Variants in CSMD3 observed in about 807,000 individuals in gnomAD.
CSMD3 encodes the protein CUB and sushi domain-containing protein 3.
A neutral mutation model predicts 435.2 loss-of-function variants in CSMD3; 177 were observed. The ratio of observed to expected loss-of-function variants is 0.41; its 90% confidence interval spans 0.36 to 0.46. The LOEUF is 0.46. Ranked by LOEUF, CSMD3 falls within the 20% of genes least tolerant of loss-of-function variation. CSMD3 has a pLI of 0.34. For missense variants in CSMD3, 4,265 were observed against 4,504.6 expected (o/e 0.95, Z 1.52); for synonymous variants, 1,656 against 1,520.5 (o/e 1.09, Z -2.07).
intron 6 of CSMD3, among the ~76,000 whole-genome samples, chr8:112,981,949 T>G (rs1431897107): frequency 6.6e-6 from 1 of 151,750 alleles, no homozygotes; most frequent in Admixed American, 6.6e-5. Flanking sequence ...AGAAGGAGAA[T>G]GGATAGACAT....
chr8:112,302,050 C>T, intron 52 of CSMD3, 84 bp from the exon 53 acceptor site: 1 of 943,402 alleles, frequency 1.1e-6, no homozygotes, highest in Non-Finnish European at 1.7e-6. Context: ...ACATTTTGAG[C>T]TTCCTATGAT....
intron 24 of CSMD3, among the ~76,000 whole-genome samples, chr8:112,570,227 A>T (rs976360741): frequency 6.6e-6 from 1 of 152,338 alleles, no homozygotes; most frequent in East Asian, 1.9e-4. Flanking sequence ...TATAAAATTC[A>T]TATTCAGATG....
intron 7 of CSMD3, among the ~76,000 whole-genome samples, chr8:112,962,159 C>CT (rs985517435): frequency 2.0e-5 from 3 of 150,132 alleles, no homozygotes; most frequent in African/African-American, 7.3e-5. Context: ...TTTCTTGGGA[C>CT]TTTTTTTTTC....
chr8:112,920,076 G>C (rs1235087979), intron 10 of CSMD3, among the ~76,000 whole-genome samples: 1 of 151,842 alleles, frequency 6.6e-6, no homozygotes, highest in African/African-American at 2.4e-5. Flanking sequence ...CAGCAAACAA[G>C]CCATCAGAAA....
intron 29 of CSMD3, among the ~76,000 whole-genome samples, chr8:112,505,881 A>G (rs1822449920): frequency 6.6e-6 from 1 of 152,130 alleles, no homozygotes; most frequent in South Asian, 2.1e-4. Flanking sequence ...TGATAGAGCT[A>G]GAAATCAAAT....
intron 37 of CSMD3, among the ~76,000 whole-genome samples, chr8:112,382,748 G>T (rs1465716633): frequency 6.6e-6 from 1 of 152,150 alleles, no homozygotes; most frequent in Non-Finnish European, 1.5e-5. Flanking sequence ...TCAGCACTTT[G>T]GGAGGCCAAG....
At chr8:112,535,172 G>T (rs1254536884) in intron 27 of CSMD3, among the ~76,000 whole-genome samples, 1 of 151,620 alleles carries the variant, frequency 6.6e-6, no homozygotes, top group African/African-American at 2.4e-5. Flanking sequence ...TCTGGCCAGG[G>T]CAATTAGGCA....
intron 22 of CSMD3, among the ~76,000 whole-genome samples, chr8:112,597,727 A>T (rs1051976782): frequency 6.2e-4 from 85 of 136,842 alleles, no homozygotes; most frequent in South Asian, 1.0e-3. Context: ...GCAAATCAAT[A>T]AGTGTAATCC....
chr8:112,663,143 C>T (rs910723555), intron 17 of CSMD3, among the ~76,000 whole-genome samples: 13 of 152,058 alleles, frequency 8.5e-5, no homozygotes, highest in African/African-American at 9.7e-5. Context: ...TGGGTATATA[C>T]CCAAAGGATT....
chr8:112,818,007 T>G (rs997333301), intron 12 of CSMD3, among the ~76,000 whole-genome samples: 32 of 152,016 alleles, frequency 2.1e-4, no homozygotes, highest in African/African-American at 7.7e-4. Context: ...AAAAGAAATT[T>G]TATAATTAAT....
chr8:113,354,848 A>G (rs769679756), intron 1 of CSMD3, among the ~76,000 whole-genome samples: 2 of 151,996 alleles, frequency 1.3e-5, no homozygotes. Flanking sequence ...CATGTTGCCA[A>G]AGCTGGTTTT....
intron 32 of CSMD3, among the ~76,000 whole-genome samples, chr8:112,462,786 T>A (rs1307253017): frequency 6.6e-6 from 1 of 152,186 alleles, no homozygotes; most frequent in Non-Finnish European, 1.5e-5. Context: ...CTCCTTCCCC[T>A]CTGCCTCATA....
chr8:112,974,089 G>A (rs1184232495), intron 7 of CSMD3, among the ~76,000 whole-genome samples: 3 of 151,874 alleles, frequency 2.0e-5, no homozygotes, highest in Non-Finnish European at 4.4e-5. Context: ...GGGAGCTTAT[G>A]ATAATAATGG....
intron 24 of CSMD3, 113 bp downstream of exon 24, chr8:112,573,388 A>G (rs995817520): frequency 1.1e-6 from 1 of 935,830 alleles, no homozygotes; most frequent in Non-Finnish European, 1.7e-6. Flanking sequence ...TGTAGAAAGG[A>G]GCTGTAAATT....
chr8:112,263,942 T>A, intron 60 of CSMD3, 130 bp from the exon 61 acceptor site: 5 of 836,684 alleles, frequency 6.0e-6, no homozygotes, highest in Non-Finnish European at 7.9e-6. Flanking sequence ...TTGTGACATA[T>A]CTTATTCTCC....
At chr8:112,791,320 A>G (rs56077628) in intron 13 of CSMD3, among the ~76,000 whole-genome samples, 1,054 of 4,280 alleles carry the variant, frequency 0.25, 18 homozygotes, top group Middle Eastern at 0.5. Flanking sequence ...ATATCCTGTG[A>G]AAAAAAAAAA....
intron 1 of CSMD3, among the ~76,000 whole-genome samples, chr8:113,399,538 A>G (rs938091596): frequency 5.3e-5 from 8 of 152,018 alleles, no homozygotes; most frequent in Non-Finnish European, 1.0e-4. Context: ...TGAAAAAAAA[A>G]AAGTTACAAA....
At chr8:112,829,023 G>A (rs1484221904) in intron 12 of CSMD3, among the ~76,000 whole-genome samples, 1 of 149,574 alleles carries the variant, frequency 6.7e-6, no homozygotes, top group East Asian at 2.0e-4. Flanking sequence ...ATAAAAAGAA[G>A]AGGGAGAAGA....
intron 13 of CSMD3, among the ~76,000 whole-genome samples, chr8:112,781,571 T>A (rs1279985361): frequency 6.6e-6 from 1 of 152,026 alleles, no homozygotes; most frequent in African/African-American, 2.4e-5. Context: ...CACTTGGACC[T>A]TGAATAAACA....
Sources: gnomAD v4.1 joint callset for allele counts (sites outside exome capture counted in the v4.1 genomes callset) on GRCh38, gnomAD v4.1.1 for gene constraint, MANE v1.5 for transcripts, NCBI Gene and HGNC (gene_info 2026-07-23, HGNC 2026-07-21) for gene names.